SSTR3: variants seen among roughly 807,000 people sequenced by gnomAD.
SSTR3 encodes the protein somatostatin receptor 3, also known as somatostatin receptor type 3.
For synonymous variants in SSTR3, 281 were observed against 269.2 expected (o/e 1.04, Z -0.43); for missense variants, 504 against 604.7 (o/e 0.83, Z 1.75).
chr22:37,207,041 C>G lies in SSTR3; in HGVS notation c.763G>C (p.Val255Leu). ...CQRRRRSERR[V>L]TRMVVAVVAL... ...ACCACGGCCACCACCATGCGCGTGA[C>G]CCTGCGTTCGGAGCGCCGCCGCCGC... Residue 255 changes from valine (V) to leucine (L), a missense_variant, in exon 2 of 2, where the codon GTC (valine) becomes CTC (leucine). Val to Leu is a conservative substitution (Grantham distance 32). Coordinates refer to ENST00000610913, the MANE Select transcript of SSTR3 (RefSeq NM_001051.5). The G allele has an allele frequency of 6.2e-7, 1 of 1,612,734 alleles. No individual in the cohort carries two copies. Among genetic ancestry groups the G allele is most frequent in the Non-Finnish European group, 8.5e-7 (1 of 1,179,834 alleles).
In SSTR3 at chr22:37,206,517, C is replaced by A. The variant is rs558797258; in HGVS notation, c.*30G>T. On this transcript the variant is annotated 3_prime_UTR_variant, in exon 2 of 2. Coordinates refer to ENST00000610913, the MANE Select transcript of SSTR3 (RefSeq NM_001051.5). ...GGCACACCCACGGCTTCTGCCTCTT[C>A]CTCGGGCCATCCTGGCTTTCCCCAG... The A allele has an allele frequency of 6.4e-6, 10 of 1,570,332 alleles. No individual in the cohort carries two copies. The highest frequency in any genetic ancestry group is 8.6e-6 in the Non-Finnish European group (10 of 1,157,574).
rs748513645 is a variant in SSTR3 at position 37,205,386 on chromosome 22, ACGGC to A, written c.*1157_*1160del. The A allele has an allele frequency of 6.5e-6, 1 of 152,684 alleles. No homozygotes were observed. Among genetic ancestry groups the A allele is most frequent in the Non-Finnish European group, 1.5e-5 (1 of 68,418 alleles). 9.5% of individuals were successfully genotyped at this position (152,684 alleles called of 1,614,324 possible). A position where few individuals can be genotyped will look rare whatever the true frequency, so the allele number is the denominator to read the frequency against. On this transcript the variant is annotated 3_prime_UTR_variant, in exon 2 of 2. Coordinates refer to ENST00000610913, the MANE Select transcript of SSTR3 (RefSeq NM_001051.5). ...TGAGCTCAGCCCAGGGGGGCCAAAG[ACGGC>A]TCCAGGAAACAGATCTGTACTTCTC... is the stretch of plus-strand genomic sequence containing the variant.
chr22:37,219,265 T>C, the SSTR3 span, among the ~76,000 whole-genome samples: 986 of 152,282 alleles, frequency 6.5e-3, 15 homozygotes, highest in Middle Eastern at 0.024. Context: ...TCAAGCCACA[T>C]GGTGGATGTC....
In SSTR3 at chr22:37,206,535, T is replaced by G. The variant is rs762738575; in HGVS notation, c.*12A>C. ...GCCTCTTCCTCGGGCCATCCTGGCT[T>G]TCCCCAGGCCCCTACAGGTAGCTGA... On this transcript the variant is annotated 3_prime_UTR_variant, in exon 2 of 2. Transcript: ENST00000610913. 6.3e-7 allele frequency: 1 copy of G among 1,586,094 alleles called. No homozygotes were observed. Among genetic ancestry groups the G allele is most frequent in the Non-Finnish European group, 8.6e-7 (1 of 1,164,308 alleles).
upstream of SSTR3, chr22:37,215,851 G>T: frequency 3.4e-6 from 1 of 291,472 alleles, no homozygotes; most frequent in Non-Finnish European, 7.5e-6. Flanking sequence ...TTTGTTTCTT[G>T]TGCAGGAATC....
Position 37,207,079 on chromosome 22 carries a change from G to A in SSTR3, c.725C>T (p.Ala242Val). 6.2e-7 allele frequency: 1 copy of A among 1,612,220 alleles called. No individual in the cohort carries two copies. Among genetic ancestry groups the A allele is most frequent in the Middle Eastern group, 1.7e-4 (1 of 6,058 alleles). The change falls in exon 2 of 2, where the codon GCA becomes GTA. Residue 242 changes from alanine (A) to valine (V), a missense_variant. By Grantham distance (64) the Ala-to-Val change is moderately conservative (BLOSUM62 0). Transcript: ENST00000610913. ...KVRSAGRRVWAPSCQRRRRSE... is the reference protein window; with the variant it reads ...KVRSAGRRVWVPSCQRRRRSE... ...GCGCCGCCGCCGCTGGCACGAGGGT[G>A]CCCACACCCGGCGCCCAGCTGAGCG...
the SSTR3 span, among the ~76,000 whole-genome samples, chr22:37,219,519 C>T: frequency 6.6e-6 from 1 of 152,226 alleles, no homozygotes; most frequent in African/African-American, 2.4e-5. Context: ...ACCTGTCCTG[C>T]TCTGCCTCCC....
chr22:37,206,465 C>G lies in SSTR3; in HGVS notation c.*82G>C. On this transcript the variant is annotated 3_prime_UTR_variant, in exon 2 of 2. Transcript: ENST00000610913. ...GGCCCCTCAACATCCCATCATGGGC[C>G]TGTGGCACCTTGGGAAGTAGGCCCT... The G allele has an allele frequency of 6.6e-7, 1 of 1,507,214 alleles. No individual in the cohort carries two copies. Among genetic ancestry groups the G allele is most frequent in the Non-Finnish European group, 8.8e-7 (1 of 1,134,264 alleles). 93.4% of individuals were successfully genotyped at this position (1,507,214 alleles called of 1,614,324 possible). A position where few individuals can be genotyped will look rare whatever the true frequency, so the allele number is the denominator to read the frequency against.
Position 37,206,328 on chromosome 22 carries a change from A to T in SSTR3, c.*219T>A. 1 of 661,774 alleles carries T rather than the reference A, an allele frequency of 1.5e-6. No individual in the cohort carries two copies. Among genetic ancestry groups the T allele is most frequent in the Non-Finnish European group, 2.4e-6 (1 of 414,056 alleles). The allele number at this position is 661,774 out of a possible 1,614,324, so 41.0% of individuals were successfully genotyped here. A position where few individuals can be genotyped will look rare whatever the true frequency, so the allele number is the denominator to read the frequency against. ...ACCTCTCATCTGACATAGCTCATCC[A>T]GGCTGATGACTCCTATCCCTGAGTC... On this transcript the variant is annotated 3_prime_UTR_variant, in exon 2 of 2. Transcript: ENST00000610913.
chr22:37,215,445 G>C (rs768414381), upstream of SSTR3, among the ~76,000 whole-genome samples: 4 of 152,128 alleles, frequency 2.6e-5, no homozygotes, highest in Admixed American at 2.0e-4. Flanking sequence ...GAATGCAGTG[G>C]TGCGATCTTG....
In SSTR3 at chr22:37,207,698, T is replaced by G; in HGVS notation, c.106A>C (p.Ser36Arg). The G allele has an allele frequency of 6.4e-7, 1 of 1,556,448 alleles. No individual in the cohort carries two copies. Among genetic ancestry groups the G allele is most frequent in the Non-Finnish European group, 8.7e-7 (1 of 1,148,506 alleles). Residue 36 changes from serine to arginine, a missense_variant, in exon 2 of 2, where the codon AGC (serine) becomes CGC (arginine). Ser to Arg is a moderately radical substitution (Grantham distance 110). Coordinates refer to ENST00000610913, the MANE Select transcript of SSTR3 (RefSeq NM_001051.5). ...ATLGNVSAGP[S>R]PAGLAVSGVL... is the part of the protein sequence containing the mutation. ...CCACTGACGGCCAGCCCTGCCGGGC[T>G]TGGGCCCGCCGACACGTTGCCCAGG...
Position 37,205,754 on chromosome 22 carries a change from T to C in SSTR3, c.*793A>G, listed in dbSNP as rs930810948. 5 of 152,230 alleles carry C rather than the reference T, an allele frequency of 3.3e-5. No homozygotes were observed. Among genetic ancestry groups the C allele is most frequent in the African/African-American group, 1.2e-4 (5 of 41,438 alleles). 9.4% of individuals were successfully genotyped at this position (152,230 alleles called of 1,614,324 possible). ...AGCAGGGGCAGAGCCAGGCTTTGGG[T>C]GGCCTAAGCTTATGCAGTTCGAGGT... On this transcript the variant is annotated 3_prime_UTR_variant, in exon 2 of 2. Coordinates refer to ENST00000610913, the MANE Select transcript of SSTR3 (RefSeq NM_001051.5).
chr22:37,206,724 C>G lies in SSTR3; in HGVS notation c.1080G>C (p.Glu360Asp). Residue 360 changes from glutamate to aspartate, a missense_variant, in exon 2 of 2, where the codon GAG (glutamate) becomes GAC (aspartate). Transcript: ENST00000610913. ...CCTTCCCCTTGCCCCCCTCCCTGCTCTCCTCCCCATCCTCCTCCTCCTCAT... is the reference window on the plus strand; with the variant it reads ...CCTTCCCCTTGCCCCCCTCCCTGCTGTCCTCCCCATCCTCCTCCTCCTCAT... The part of the protein sequence containing the change: ...EEDEEEEDGE[E>D]SREGGKGKEM... 6.2e-7 allele frequency: 1 copy of G among 1,609,112 alleles called. No homozygotes were observed. The highest frequency in any genetic ancestry group is 8.5e-7 in the Non-Finnish European group (1 of 1,179,874).
Position 37,211,248 on chromosome 22 carries a change from C to G in SSTR3, c.-37+577G>C, listed in dbSNP as rs187653916. Reference sequence around the variant, plus strand: ...TCCTCTACATGCTTCGGCCTTCCCCCCAAAGACACCTGGCTTATGCTTGCC... The same window carrying G: ...TCCTCTACATGCTTCGGCCTTCCCCGCAAAGACACCTGGCTTATGCTTGCC... On this transcript the variant is annotated intron_variant, in intron 1 of 1. Coordinates refer to ENST00000610913, the MANE Select transcript of SSTR3 (RefSeq NM_001051.5). 2.1e-3 allele frequency among the ~76,000 whole-genome samples: 326 copies of G among 152,334 alleles called. 1 individual carries two copies. The highest frequency in any genetic ancestry group is 7.6e-3 in the African/African-American group (315 of 41,582).
chr22:37,214,932 G>A (rs1469942535), upstream of SSTR3, among the ~76,000 whole-genome samples: 8 of 152,220 alleles, frequency 5.3e-5, no homozygotes, highest in South Asian at 2.1e-4. Flanking sequence ...AGGCCACTCC[G>A]GGTCCCCCTC....
intron 1 of SSTR3, among the ~76,000 whole-genome samples, chr22:37,208,783 C>G (rs1926008365): frequency 6.6e-6 from 1 of 152,228 alleles, no homozygotes; most frequent in African/African-American, 2.4e-5. Flanking sequence ...CCTGTGGAGT[C>G]TCCAGCCAGC....
the SSTR3 span, among the ~76,000 whole-genome samples, chr22:37,217,665 T>C: frequency 7.3e-6 from 1 of 137,568 alleles, no homozygotes; most frequent in African/African-American, 2.6e-5. Flanking sequence ...CCAAGAGCTC[T>C]CTCCTGTTTT....
chr22:37,214,932 G>T (rs1469942535), upstream of SSTR3, among the ~76,000 whole-genome samples: 4 of 152,102 alleles, frequency 2.6e-5, no homozygotes, highest in African/African-American at 9.7e-5. Context: ...AGGCCACTCC[G>T]GGTCCCCCTC....
intron 1 of SSTR3, among the ~76,000 whole-genome samples, chr22:37,210,010 G>A (rs1926096269): frequency 6.6e-6 from 1 of 152,232 alleles, no homozygotes; most frequent in Non-Finnish European, 1.5e-5. Flanking sequence ...ATGCTAGAAT[G>A]AGTCCTTCTT....
Sources: allele counts gnomAD v4.1 joint callset (sites outside exome capture counted in the v4.1 genomes callset), GRCh38; gene constraint gnomAD v4.1.1; transcripts MANE v1.5; gene names NCBI Gene and HGNC (gene_info 2026-07-23, HGNC 2026-07-21).